Variants in CARD10 observed in about 807,000 individuals in gnomAD.
The protein encoded by CARD10 is caspase recruitment domain-containing protein 10.
A neutral mutation model predicts 114.6 loss-of-function variants in CARD10; 49 were observed. That is an observed-to-expected ratio of 0.43 (90% CI 0.34 to 0.54). The LOEUF is 0.54. Ranked by LOEUF, CARD10 falls within the 20% of genes least tolerant of loss-of-function variation. The pLI, the probability that CARD10 is intolerant of heterozygous loss-of-function variation, is 0.03. For missense variants in CARD10, 1,206 were observed against 1,397.2 expected, an observed-to-expected ratio of 0.86 and a Z score of 2.18; for synonymous variants, 602 against 593.2, an observed-to-expected ratio of 1.01 and a Z score of -0.21.
rs1922860218 is a variant in CARD10 at position 37,492,947 on chromosome 22, A to T, written c.2477-145T>A. The T allele has an allele frequency of 8.7e-6, 7 of 807,496 alleles. No homozygotes were observed. The highest frequency in any genetic ancestry group is 1.3e-5 in the Non-Finnish European group (7 of 522,982). The allele number at this position is 807,496 out of a possible 1,614,324, so 50.0% of individuals were successfully genotyped here. A position where few individuals can be genotyped will look rare whatever the true frequency, so the allele number is the denominator to read the frequency against. On this transcript the variant is annotated intron_variant, in intron 16 of 19. Transcript: ENST00000251973. This position sits in a 1 kb window ranked among gnomAD's most constrained non-coding sequence, Gnocchi z 5.7. ...TACACATGCACACACACACACCCTT[A>T]GTAGGACCGACGGTGGCAGTAGGCT...
chr22:37,508,862 C>T lies in CARD10; in HGVS notation c.910-180G>A, dbSNP rs1036932971. ...CCCCATCGGCAGAGTGGGTGTGGCC[C>T]CACAAGCCCTACCCACCCTCCAGGG... is the stretch of plus-strand genomic sequence containing the variant. On this transcript the variant is annotated intron_variant, in intron 4 of 19. Coordinates refer to ENST00000251973, the MANE Select transcript of CARD10 (RefSeq NM_014550.4). The T allele has an allele frequency of 4.1e-6, 5 of 1,212,942 alleles. No homozygotes were observed. The African/African-American group carries it at 7.6e-5, about 18-fold the overall frequency. The allele number at this position is 1,212,942 out of a possible 1,614,324, so 75.1% of individuals were successfully genotyped here. A position where few individuals can be genotyped will look rare whatever the true frequency, so the allele number is the denominator to read the frequency against.
At chr22:37,509,172 G>GCT (rs1381351997) in intron 4 of CARD10, 2 of 1,440,336 alleles carry the variant, frequency 1.4e-6, no homozygotes, top group Non-Finnish European at 1.8e-6. Context: ...AAACACACTG[G>GCT]CTCTCATCCC....
At position 37,496,453 on chromosome 22, in the gene CARD10, C is replaced by T. The variant is rs1270310974; in HGVS notation, c.2055G>A (p.Ser685=). 1.9e-6 allele frequency: 3 copies of T among 1,608,940 alleles called. No homozygotes were observed. Among genetic ancestry groups the T allele is most frequent in the East Asian group, 4.5e-5 (2 of 44,792 alleles). Residue 685 remains serine, a synonymous_variant, in exon 13 of 20, where the codon TCG becomes TCA. Coordinates refer to ENST00000251973, the MANE Select transcript of CARD10 (RefSeq NM_014550.4). The surrounding 1 kb of genome is among the most constrained non-coding windows in gnomAD (Gnocchi z 4.1). ...QGSTLPSLMD[S]KACQSFHEAL... is the part of the protein sequence containing the mutation. Reference sequence around the variant, plus strand: ...CGACTCCCAAGCCAGACTTACCCTTCGAGTCCATCAGGGAGGGGAGTGTGG... The same window carrying T: ...CGACTCCCAAGCCAGACTTACCCTTTGAGTCCATCAGGGAGGGGAGTGTGG...
At chr22:37,510,910 C>T (rs191368220) in intron 3 of CARD10, among the ~76,000 whole-genome samples, 3 of 151,940 alleles carry the variant, frequency 2.0e-5, no homozygotes, top group African/African-American at 4.8e-5. Context: ...GGTGAAACCC[C>T]GTCTCTACTA....
chr22:37,504,024 G>A, intron 9 of CARD10, 162 bp downstream of exon 9: 1 of 721,766 alleles, frequency 1.4e-6, no homozygotes, highest in Admixed American at 2.0e-5. Flanking sequence ...TCGCCCCTGT[G>A]ACTCACAGGA....
Position 37,504,376 on chromosome 22 carries a change from G to A in CARD10, c.1519-75C>T, listed in dbSNP as rs965956251. 1.0e-5 allele frequency: 12 copies of A among 1,184,602 alleles called. No homozygotes were observed. The African/African-American group carries it at 1.4e-4, about 14-fold the overall frequency. The allele number at this position is 1,184,602 out of a possible 1,614,324, so 73.4% of individuals were successfully genotyped here. A position where few individuals can be genotyped will look rare whatever the true frequency, so the allele number is the denominator to read the frequency against. On this transcript the variant is annotated intron_variant, in intron 8 of 19. Coordinates refer to ENST00000251973, the MANE Select transcript of CARD10 (RefSeq NM_014550.4). Reference sequence around the variant, plus strand: ...CCAGTCCTCAGCACACCTGGTTTGTGCCCATTCCACAAATGAGAAGTAGGG... The same window carrying A: ...CCAGTCCTCAGCACACCTGGTTTGTACCCATTCCACAAATGAGAAGTAGGG...
chr22:37,515,632 C>T (rs1025484121), intron 3 of CARD10, among the ~76,000 whole-genome samples: 6 of 151,926 alleles, frequency 3.9e-5, no homozygotes, highest in Non-Finnish European at 7.4e-5. Context: ...CCGGCCCTAC[C>T]GATGTTTTAG....
chr22:37,513,277 A>G (rs1183261310), intron 3 of CARD10, among the ~76,000 whole-genome samples: 2 of 151,660 alleles, frequency 1.3e-5, no homozygotes, highest in Non-Finnish European at 1.5e-5. Flanking sequence ...CGCCCGGCTA[A>G]TTTTTTGTAT....
Position 37,496,889 on chromosome 22 carries a change from C to A in CARD10, c.1947+130G>T. 8.7e-7 allele frequency: 1 copy of A among 1,144,228 alleles called. No individual in the cohort carries two copies. Among genetic ancestry groups the A allele is most frequent in the Non-Finnish European group, 1.2e-6 (1 of 807,294 alleles). 70.9% of individuals were successfully genotyped at this position (1,144,228 alleles called of 1,614,324 possible). ...CTGAGCAGGCAACCACAGCTAATCA[C>A]TGAGCCCGCTTCGGCTTTGACCAAT... is the stretch of plus-strand genomic sequence containing the variant. On this transcript the variant is annotated intron_variant, in intron 12 of 19. Transcript: ENST00000251973. This position sits in a 1 kb window ranked among gnomAD's most constrained non-coding sequence, Gnocchi z 4.1.
intron 9 of CARD10, among the ~76,000 whole-genome samples, chr22:37,503,624 G>A (rs1047504610): frequency 7.2e-5 from 11 of 152,016 alleles, no homozygotes; most frequent in Admixed American, 3.3e-4. Flanking sequence ...ACAGATTTAC[G>A]CAGATCAAGG....
chr22:37,492,345 CGCGCTCAGACGCTG>C lies in CARD10; in HGVS notation c.2751+76_2751+89del, dbSNP rs1922832919. 1.0e-6 allele frequency: 1 copy of C among 966,872 alleles called. No individual in the cohort carries two copies. Among genetic ancestry groups the C allele is most frequent in the Non-Finnish European group, 1.5e-6 (1 of 662,650 alleles). 59.9% of individuals were successfully genotyped at this position (966,872 alleles called of 1,614,324 possible). ...TGCCAGTGAGCAGCAGAGCATGGCC[CGCGCTCAGACGCTG>C]GCGCTCAAGCCCAGAACAGCAGCAC... On this transcript the variant is annotated intron_variant, in intron 18 of 19. Transcript: ENST00000251973. The surrounding 1 kb of genome is among the most constrained non-coding windows in gnomAD (Gnocchi z 5.7).
rs1382672416 is a variant in CARD10, at chr22:37,492,491, G to T, written c.2695C>A (p.Pro899Thr). Reference sequence around the variant, plus strand: ...CTGCTGCCTAGCCCAGGGGTGGCAGGCTGAGCCTTGGGGGCTCCAGGCGCT... The same window carrying T: ...CTGCTGCCTAGCCCAGGGGTGGCAGTCTGAGCCTTGGGGGCTCCAGGCGCT... ...SSAPGAPKAQPATPGLGSRIR... is the reference protein window; with the variant it reads ...SSAPGAPKAQTATPGLGSRIR... The change falls in exon 18 of 20, where the codon CCT (proline) becomes ACT (threonine). Residue 899 changes from proline to threonine, a missense_variant. Coordinates refer to ENST00000251973, the MANE Select transcript of CARD10 (RefSeq NM_014550.4). This position sits in a 1 kb window ranked among gnomAD's most constrained non-coding sequence, Gnocchi z 5.7. 2 of 1,603,478 alleles carry T rather than the reference G, an allele frequency of 1.2e-6. No individual in the cohort carries two copies. The highest frequency in any genetic ancestry group is 3.4e-5 in the Admixed American group (2 of 59,258).
In CARD10 at chr22:37,510,838, G is replaced by A. The variant is rs145267352; in HGVS notation, c.700-417C>T. Among the ~76,000 whole-genome samples, 1,040 of 152,320 alleles carry A rather than the reference G, an allele frequency of 6.8e-3. 9 individuals carry two copies. The highest frequency in any genetic ancestry group is 0.011 in the Non-Finnish European group (728 of 68,034). ...GCCTGTAATCCCAGCACTTTGGGAG[G>A]CTGAGGCGGGCCCTCAGTGGATCAC... On this transcript the variant is annotated intron_variant, in intron 3 of 19. Coordinates refer to ENST00000251973, the MANE Select transcript of CARD10 (RefSeq NM_014550.4).
intron 11 of CARD10, among the ~76,000 whole-genome samples, chr22:37,497,727 G>A (rs1314579320): frequency 1.3e-5 from 2 of 152,032 alleles, no homozygotes; most frequent in Non-Finnish European, 2.9e-5. Context: ...AGCCGGGCGT[G>A]GTGGTGGGCG....
chr22:37,494,537 G>A, intron 15 of CARD10: 1 of 319,086 alleles, frequency 3.1e-6, no homozygotes. Context: ...CAAACTTTAG[G>A]GTCTCTTCCA....
At chr22:37,494,043 A>C in intron 16 of CARD10, 43 bp downstream of exon 16, 1 of 1,377,674 alleles carries the variant, frequency 7.3e-7, no homozygotes, top group Non-Finnish European at 1.0e-6. Flanking sequence ...ATCCCTGGAC[A>C]ATGGGAGCAA....
Position 37,515,028 on chromosome 22 carries a change from G to A in CARD10, c.699+945C>T, listed in dbSNP as rs9622632. Among the ~76,000 whole-genome samples, 731 of 152,300 alleles carry A rather than the reference G, an allele frequency of 4.8e-3. 12 individuals are homozygous for A. The highest frequency in any genetic ancestry group is 0.017 in the African/African-American group (696 of 41,562). ...AAGGGGGCTGGCACTGGAGCCAGCC[G>A]GACCCGGTTCAAATCCAGGCTGTGC... On this transcript the variant is annotated intron_variant, in intron 3 of 19. Transcript: ENST00000251973.
Position 37,496,061 on chromosome 22 carries a change from A to G in CARD10, c.2060-58T>C, listed in dbSNP as rs1922993228. The G allele has an allele frequency of 1.9e-6, 3 of 1,595,160 alleles. No homozygotes were observed. In the African/African-American group the frequency reaches 4.0e-5, roughly 21 times the overall value. On this transcript the variant is annotated intron_variant, in intron 13 of 19. Coordinates refer to ENST00000251973, the MANE Select transcript of CARD10 (RefSeq NM_014550.4). The surrounding 1 kb of genome is among the most constrained non-coding windows in gnomAD (Gnocchi z 4.1). ...GGACAAGAGGAGGATGGTGAGGTCC[A>G]GGATCGGCCTTGGTGGGGCCAAAGA...
rs560316034 is a variant in CARD10 at position 37,491,891 on chromosome 22, A to G, written c.2752-24T>C. The stretch of plus-strand genomic sequence containing the variant: ...TTCTGCTTGGAGGATCGAGGCTACA[A>G]TGTACTCCTGGGCCACAGACATCAG... On this transcript the variant is annotated intron_variant, in intron 18 of 19. Transcript: ENST00000251973. 21 of 1,517,532 alleles carry G rather than the reference A, an allele frequency of 1.4e-5. No individual in the cohort carries two copies. In the African/African-American group the frequency reaches 1.6e-4, roughly 12 times the overall value. 94.0% of individuals were successfully genotyped at this position (1,517,532 alleles called of 1,614,324 possible). A position where few individuals can be genotyped will look rare whatever the true frequency, so the allele number is the denominator to read the frequency against.
Sources: gnomAD v4.1 joint callset for allele counts (sites outside exome capture counted in the v4.1 genomes callset) on GRCh38, gnomAD v4.1.1 for gene constraint, Gnocchi (gnomAD v3.1) non-coding constraint, MANE v1.5 for transcripts, NCBI Gene and HGNC (gene_info 2026-07-23, HGNC 2026-07-21) for gene names.